The following UNC5D variants were observed in gnomAD, a reference collection of about 807,000 sequenced individuals.
The protein encoded by UNC5D is netrin receptor UNC5D.
UNC5D carries 39 observed loss-of-function variants against 105.4 expected under a neutral mutation model. The observed-to-expected ratio is 0.37, with a 90% CI of 0.29 to 0.48. The LOEUF (loss-of-function observed/expected upper bound fraction) is 0.48, where lower values mean the gene tolerates loss of function less well. Ranked by LOEUF, UNC5D falls within the 20% of genes least tolerant of loss-of-function variation. UNC5D has a pLI of 0.98. For synonymous variants in UNC5D, 452 were observed against 450.4 expected, an observed-to-expected ratio of 1.00 and a Z score of -0.04; for missense variants, 991 against 1,202.4, an observed-to-expected ratio of 0.82 and a Z score of 2.60.
intron 1 of UNC5D, among the ~76,000 whole-genome samples, chr8:35,474,032 T>C (rs966561268): frequency 2.0e-5 from 3 of 152,192 alleles, no homozygotes; most frequent in Non-Finnish European, 4.4e-5. Flanking sequence ...GGTGCCTTCA[T>C]GACCCCAACA....
intron 7 of UNC5D, among the ~76,000 whole-genome samples, chr8:35,698,168 A>G (rs1826922753): frequency 6.6e-6 from 1 of 151,750 alleles, no homozygotes; most frequent in African/African-American, 2.4e-5. Context: ...TGATGATTTG[A>G]TATATGTGTG....
At chr8:35,354,846 C>T (rs949079419) in intron 1 of UNC5D, among the ~76,000 whole-genome samples, 6 of 152,080 alleles carry the variant, frequency 3.9e-5, no homozygotes, top group Admixed American at 1.3e-4. Flanking sequence ...TGTAAGATGT[C>T]GTCTTCACTC....
intron 1 of UNC5D, among the ~76,000 whole-genome samples, chr8:35,321,619 T>C (rs1319963607): frequency 6.6e-6 from 1 of 152,172 alleles, no homozygotes; most frequent in Non-Finnish European, 1.5e-5. Context: ...CATTTCTTTA[T>C]AGCAGGTGAG....
intron 11 of UNC5D, among the ~76,000 whole-genome samples, chr8:35,734,335 CAAAAA>C (rs10657691): frequency 7.1e-5 from 2 of 28,288 alleles, no homozygotes; most frequent in Non-Finnish European, 1.6e-4. Context: ...TAATCACTGT[CAAAAA>C]AAAAAAAAAA....
chr8:35,573,306 G>A (rs1817873148), intron 3 of UNC5D, among the ~76,000 whole-genome samples: 1 of 152,118 alleles, frequency 6.6e-6, no homozygotes. Flanking sequence ...AGCTGGATAT[G>A]TTGGTGCGTG....
At chr8:35,274,227 T>C (rs924450718) in intron 1 of UNC5D, among the ~76,000 whole-genome samples, 1 of 152,146 alleles carries the variant, frequency 6.6e-6, no homozygotes, top group Admixed American at 6.6e-5. Flanking sequence ...GGCGAGTTTT[T>C]AAAGACACCA....
In UNC5D at chr8:35,792,686, C is replaced by T. The variant is rs1803095972; in HGVS notation, c.*2123C>T. Reference sequence around the variant, plus strand: ...AGCTGCATTCACTATTGAGTAAAAACTTGTAGAAAGCACATTATAGAGCTT... The same window carrying T: ...AGCTGCATTCACTATTGAGTAAAAATTTGTAGAAAGCACATTATAGAGCTT... On this transcript the variant is annotated 3_prime_UTR_variant, in exon 17 of 17. Transcript: ENST00000404895. 1 of 196,486 alleles carries T rather than the reference C, an allele frequency of 5.1e-6. No homozygotes were observed. Among genetic ancestry groups the T allele is most frequent in the Admixed American group, 5.9e-5 (1 of 16,966 alleles). 12.2% of individuals were successfully genotyped at this position (196,486 alleles called of 1,614,324 possible). A position where few individuals can be genotyped will look rare whatever the true frequency, so the allele number is the denominator to read the frequency against.
intron 1 of UNC5D, among the ~76,000 whole-genome samples, chr8:35,407,525 G>A (rs950987986): frequency 6.6e-6 from 1 of 151,996 alleles, no homozygotes; most frequent in East Asian, 1.9e-4. Context: ...ATGTATGTAT[G>A]TATGTATGTA....
intron 1 of UNC5D, among the ~76,000 whole-genome samples, chr8:35,357,482 T>C (rs1454593421): frequency 6.6e-6 from 1 of 152,160 alleles, no homozygotes; most frequent in Non-Finnish European, 1.5e-5. Flanking sequence ...AGGTCTCAGA[T>C]TGGATGATGG....
chr8:35,303,911 A>G (rs189674771), intron 1 of UNC5D, among the ~76,000 whole-genome samples: 66 of 152,266 alleles, frequency 4.3e-4, no homozygotes, highest in Admixed American at 2.0e-3. Context: ...TGTATTTTAT[A>G]AACAGTCTAA....
At chr8:35,384,158 G>A (rs1803226009) in intron 1 of UNC5D, among the ~76,000 whole-genome samples, 1 of 151,174 alleles carries the variant, frequency 6.6e-6, no homozygotes, top group Admixed American at 6.6e-5. Flanking sequence ...AGGCGGAGTT[G>A]CAGTAAGCCG....
At chr8:35,724,323 G>T (rs999422445) in intron 9 of UNC5D, 1 of 1,533,350 alleles carries the variant, frequency 6.5e-7, no homozygotes, top group Non-Finnish European at 8.7e-7. Context: ...ATTTATTATG[G>T]TAATCTGCCT....
chr8:35,522,038 T>G (rs1813520923), intron 1 of UNC5D, among the ~76,000 whole-genome samples: 1 of 152,204 alleles, frequency 6.6e-6, no homozygotes, highest in African/African-American at 2.4e-5. Context: ...CACATGGTTG[T>G]TTGTGCATCC....
chr8:35,364,472 G>T (rs1295974652), intron 1 of UNC5D, among the ~76,000 whole-genome samples: 2 of 152,028 alleles, frequency 1.3e-5, no homozygotes, highest in Non-Finnish European at 2.9e-5. Context: ...CTCATCTTGT[G>T]CTTTGCTTGC....
chr8:35,283,907 T>C (rs1806388942), intron 1 of UNC5D, among the ~76,000 whole-genome samples: 1 of 152,196 alleles, frequency 6.6e-6, no homozygotes, highest in Non-Finnish European at 1.5e-5. Flanking sequence ...CACATAATTC[T>C]AGCACAGCCA....
chr8:35,687,735 G>T (rs1025367835), intron 7 of UNC5D, among the ~76,000 whole-genome samples: 15 of 152,102 alleles, frequency 9.9e-5, no homozygotes, highest in Non-Finnish European at 1.9e-4. Context: ...TATCTTCTCT[G>T]ACTATAGTTA....
Position 35,571,030 on chromosome 8 carries a change from G to T in UNC5D, c.466+2789G>T, listed in dbSNP as rs200125607. On this transcript the variant is annotated intron_variant, in intron 3 of 16. Transcript: ENST00000404895. Reference sequence around the variant, plus strand: ...GACTTAAAATATATATATACACATAGAGAGAGAGAAATGGGGTTTGCTATG... The same window carrying T: ...GACTTAAAATATATATATACACATATAGAGAGAGAAATGGGGTTTGCTATG... Among the ~76,000 whole-genome samples the T allele has an allele frequency of 2.3e-4, 35 of 151,964 alleles. 1 individual carries two copies. Among genetic ancestry groups the T allele is most frequent in the Non-Finnish European group, 4.4e-4 (30 of 68,008 alleles).
At chr8:35,607,742 C>T (rs1820399721) in intron 4 of UNC5D, among the ~76,000 whole-genome samples, 1 of 151,944 alleles carries the variant, frequency 6.6e-6, no homozygotes, top group African/African-American at 2.4e-5. Flanking sequence ...GGCACTTCTC[C>T]TTCCTGCTGT....
intron 1 of UNC5D, among the ~76,000 whole-genome samples, chr8:35,249,953 A>G (rs1274143963): frequency 1.3e-5 from 2 of 152,096 alleles, no homozygotes; most frequent in African/African-American, 2.4e-5. Flanking sequence ...TGCAGAAAGG[A>G]AAACATCTGT....
Sources: gnomAD v4.1 joint callset for allele counts (sites outside exome capture counted in the v4.1 genomes callset) on GRCh38, gnomAD v4.1.1 for gene constraint, MANE v1.5 for transcripts, NCBI Gene and HGNC (gene_info 2026-07-23, HGNC 2026-07-21) for gene names.